The following SOAT1 variants were observed in gnomAD, a reference collection of about 807,000 sequenced individuals.
SOAT1 encodes the protein sterol O-acyltransferase 1, also known as acyl-coenzyme A:cholesterol acyltransferase 1.
Under a neutral mutation model 69.5 loss-of-function variants are expected in SOAT1, and 55 were observed. The observed-to-expected ratio is 0.79, with a 90% confidence interval of 0.64 to 0.99. The LOEUF (loss-of-function observed/expected upper bound fraction) is 0.99, where lower values mean the gene tolerates loss of function less well. SOAT1 is among the 50% of genes least tolerant of loss of function. The pLI is 0.00. For synonymous variants in SOAT1, 231 were observed against 224.7 expected, an observed-to-expected ratio of 1.03 and a Z score of -0.25; for missense variants, 580 against 669.3, an observed-to-expected ratio of 0.87 and a Z score of 1.47.
At position 179,343,646 on chromosome 1, in the gene SOAT1, G is replaced by A; in HGVS notation, c.987+11G>A. ...ATGAAGTTTGCACAGGTAAGTTTTT[G>A]TAACTGCCTAAGGTATGTTGATTAG... On this transcript the variant is annotated intron_variant, in intron 10 of 15. Transcript: ENST00000367619. 6.3e-7 allele frequency: 1 copy of A among 1,596,994 alleles called. No homozygotes were observed. Among genetic ancestry groups the A allele is most frequent in the Non-Finnish European group, 8.6e-7 (1 of 1,165,920 alleles).
rs551369637 is a variant in SOAT1 at position 179,306,908 on chromosome 1, T to C, written c.118+4106T>C. Among the ~76,000 whole-genome samples the C allele has an allele frequency of 2.0e-5, 3 of 151,832 alleles. No individual in the cohort carries two copies. In the South Asian group the frequency reaches 6.3e-4, roughly 32 times the overall value. The stretch of plus-strand genomic sequence containing the variant: ...TGTGACAAGGCAGAGAGGATTGTTG[T>C]AGTAGGAAATAATAAAGACATTTCC... On this transcript the variant is annotated intron_variant, in intron 2 of 15. Transcript: ENST00000367619.
At chr1:179,324,872 G>A (rs1294103694) in intron 3 of SOAT1, among the ~76,000 whole-genome samples, 2 of 152,006 alleles carry the variant, frequency 1.3e-5, no homozygotes, top group South Asian at 2.1e-4. Context: ...GCACGATCTC[G>A]GCTCACTGCA....
At chr1:179,319,261 C>T (rs1437265079) in intron 2 of SOAT1, among the ~76,000 whole-genome samples, 4 of 133,618 alleles carry the variant, frequency 3.0e-5, no homozygotes, top group Non-Finnish European at 6.4e-5. Context: ...TGTTCAGTTA[C>T]TTTGCCTTTT....
intron 1 of SOAT1, among the ~76,000 whole-genome samples, chr1:179,301,944 G>T (rs1201557288): frequency 6.6e-6 from 1 of 151,176 alleles, no homozygotes; most frequent in Admixed American, 6.6e-5. Context: ...TGAACTTAAG[G>T]TATTGTTTTT....
intron 2 of SOAT1, among the ~76,000 whole-genome samples, chr1:179,305,762 G>C (rs2250477): frequency 0.26 from 39,324 of 152,042 alleles, 5,291 homozygotes; most frequent in African/African-American, 0.31. Flanking sequence ...TTTGATGATA[G>C]CCTTCCAGCC....
intron 3 of SOAT1, among the ~76,000 whole-genome samples, chr1:179,328,553 A>G (rs768878980): frequency 2.6e-5 from 4 of 152,192 alleles, no homozygotes; most frequent in Non-Finnish European, 5.9e-5. Flanking sequence ...CCTGGCCTGG[A>G]CATTACATGC....
chr1:179,316,490 G>A (rs897142823), intron 2 of SOAT1, among the ~76,000 whole-genome samples: 2 of 152,140 alleles, frequency 1.3e-5, no homozygotes, highest in Non-Finnish European at 2.9e-5. Flanking sequence ...TCCACCTCCC[G>A]GGTTCAAGCG....
chr1:179,308,406 T>C (rs890813042), intron 2 of SOAT1, among the ~76,000 whole-genome samples: 13 of 152,170 alleles, frequency 8.5e-5, no homozygotes, highest in African/African-American at 3.1e-4. Context: ...GCACGGTGGC[T>C]CACTCCTGTA....
chr1:179,302,651 A>C, intron 1 of SOAT1, 26 bp from the exon 2 acceptor site: 1 of 1,499,884 alleles, frequency 6.7e-7, no homozygotes, highest in Non-Finnish European at 9.0e-7. Flanking sequence ...GACTAATACG[A>C]AAGCTTTTTA....
intron 1 of SOAT1, among the ~76,000 whole-genome samples, chr1:179,299,301 A>G (rs1571398997): frequency 6.6e-6 from 1 of 152,216 alleles, no homozygotes; most frequent in Non-Finnish European, 1.5e-5. Context: ...CCCTAAACTC[A>G]TCTGTAAAAT....
chr1:179,319,086 C>T (rs1665498649), intron 2 of SOAT1, among the ~76,000 whole-genome samples: 2 of 152,130 alleles, frequency 1.3e-5, no homozygotes, highest in African/African-American at 4.8e-5. Context: ...AAGTTTCTTT[C>T]TTCACATTCA....
chr1:179,330,258 C>T (rs1001086058), intron 3 of SOAT1, among the ~76,000 whole-genome samples: 2 of 152,076 alleles, frequency 1.3e-5, no homozygotes, highest in Non-Finnish European at 2.9e-5. Flanking sequence ...TTCTCATGCG[C>T]AGAGTCAGCC....
intron 14 of SOAT1, 83 bp from the exon 15 acceptor site, chr1:179,351,234 G>A: frequency 8.6e-7 from 1 of 1,157,772 alleles, no homozygotes; most frequent in Non-Finnish European, 1.3e-6. Flanking sequence ...AATAGAGATG[G>A]GGTTTCACCA....
intron 1 of SOAT1, among the ~76,000 whole-genome samples, chr1:179,296,836 A>G (rs1031804271): frequency 6.6e-6 from 1 of 152,212 alleles, no homozygotes; most frequent in Non-Finnish European, 1.5e-5. Context: ...TAAAGTTGAC[A>G]TGTCTTTCCA....
chr1:179,303,154 A>G (rs1250272740), intron 2 of SOAT1, among the ~76,000 whole-genome samples: 1 of 152,244 alleles, frequency 6.6e-6, no homozygotes, highest in Non-Finnish European at 1.5e-5. Context: ...AATCATACAC[A>G]TAACTAGATT....
chr1:179,338,822 G>T (rs1666240819), intron 5 of SOAT1, among the ~76,000 whole-genome samples: 1 of 152,038 alleles, frequency 6.6e-6, no homozygotes, highest in Non-Finnish European at 1.5e-5. Flanking sequence ...AGACTGTGAA[G>T]ATCCTTGGTC....
At chr1:179,351,599 G>T in intron 15 of SOAT1, 137 bp downstream of exon 15, 1 of 765,228 alleles carries the variant, frequency 1.3e-6, no homozygotes, top group Non-Finnish European at 2.1e-6. Context: ...AGGAGTAAAA[G>T]CATTAGTTTA....
intron 6 of SOAT1, 31 bp downstream of exon 6, chr1:179,339,576 T>C: frequency 7.0e-7 from 1 of 1,426,240 alleles, no homozygotes; most frequent in South Asian, 1.2e-5. Flanking sequence ...GCTGGCTAGT[T>C]GATGCATGAG....
chr1:179,302,662 C>T lies in SOAT1; in HGVS notation c.-8-15C>T. 1.3e-6 allele frequency: 2 copies of T among 1,542,764 alleles called. No individual in the cohort carries two copies. The highest frequency in any genetic ancestry group is 1.8e-6 in the Non-Finnish European group (2 of 1,140,836). On this transcript the variant is annotated splice_polypyrimidine_tract_variant and intron_variant, in intron 1 of 15. Coordinates refer to ENST00000367619, the MANE Select transcript of SOAT1 (RefSeq NM_003101.6). ...AACGGACTAATACGAAAGCTTTTTA[C>T]ACCTTCTTTCCTAGACAATACAATG... is the stretch of plus-strand genomic sequence containing the variant.
Sources: allele counts gnomAD v4.1 joint callset (sites outside exome capture counted in the v4.1 genomes callset), GRCh38; gene constraint gnomAD v4.1.1; transcripts MANE v1.5; gene names NCBI Gene and HGNC (gene_info 2026-07-23, HGNC 2026-07-21).